NEBL: variants seen among roughly 807,000 people sequenced by gnomAD.
NEBL encodes nebulette.
NEBL carries 122 observed loss-of-function variants against 140.2 expected under a neutral mutation model. The observed-to-expected ratio is 0.87, with a 90% CI of 0.75 to 1.01. The LOEUF is 1.01. Among genes scored for constraint, NEBL ranks in the 50% least tolerant of loss-of-function variants. The pLI, the probability that NEBL is intolerant of heterozygous loss-of-function variation, is 0.00. For synonymous variants in NEBL, 436 were observed against 398.9 expected (o/e 1.09, Z -1.11); for missense variants, 1,365 against 1,231.3 (o/e 1.11, Z -1.62).
rs1367744769 is a variant in NEBL at position 20,952,881 on chromosome 10, G to A, written c.357+8791C>T. On this transcript the variant is annotated intron_variant, in intron 4 of 6. Coordinates refer to the NEBL transcript ENST00000417816. ...GATTGCACCGCTGTACTCCAGCCTG[G>A]GTGACAGAGTGAGACCCTGTCTCAA... Among the ~76,000 whole-genome samples, 4 of 132,094 alleles carry A rather than the reference G, an allele frequency of 3.0e-5. No homozygotes were observed. In the East Asian group the frequency reaches 8.4e-4, roughly 28 times the overall value. 86.7% of individuals were successfully genotyped at this position (132,094 alleles called of 152,430 possible). A position where few individuals can be genotyped will look rare whatever the true frequency, so the allele number is the denominator to read the frequency against.
At chr10:21,050,417 A>C (rs1446669209) in intron 2 of NEBL, among the ~76,000 whole-genome samples, 1 of 152,276 alleles carries the variant, frequency 6.6e-6, no homozygotes, top group Admixed American at 6.5e-5. Context: ...CAGGTGAGAA[A>C]ATTCAAAGAC....
chr10:21,245,594 C>T (rs987942822), intron 3 of NEBL, among the ~76,000 whole-genome samples: 4 of 152,144 alleles, frequency 2.6e-5, no homozygotes, highest in South Asian at 2.1e-4. Context: ...TGCAATGGCA[C>T]GATCTTGGCT....
chr10:21,202,376 G>A (rs1015371941), intron 3 of NEBL, among the ~76,000 whole-genome samples: 10 of 151,056 alleles, frequency 6.6e-5, no homozygotes, highest in Admixed American at 6.6e-4. Context: ...ACTCACCTGC[G>A]TTCTAGAAAT....
intron 5 of NEBL, among the ~76,000 whole-genome samples, chr10:20,873,572 A>G (rs944189343): frequency 2.6e-5 from 4 of 152,076 alleles, no homozygotes; most frequent in Admixed American, 6.6e-5. Context: ...AATAATAATA[A>G]TGATAGTCTC....
chr10:20,840,893 C>T (rs1259989963), intron 12 of NEBL, 44 bp from the exon 13 acceptor site: 2 of 1,124,364 alleles, frequency 1.8e-6, no homozygotes, highest in Non-Finnish European at 2.7e-6. Context: ...GCAGGAATCA[C>T]TTTATTCAGT....
chr10:20,838,293 A>C (rs117173421), intron 13 of NEBL, among the ~76,000 whole-genome samples: 8,780 of 152,226 alleles, frequency 0.058, 367 homozygotes, highest in Middle Eastern at 0.12. Context: ...GTTGATTTCA[A>C]CTCTCATGGA....
chr10:21,202,473 T>C (rs1841754543), intron 3 of NEBL, among the ~76,000 whole-genome samples: 1 of 146,640 alleles, frequency 6.8e-6, no homozygotes, highest in Admixed American at 6.7e-5. Context: ...TTTTTTTTTT[T>C]TTTTTTTTGA....
At chr10:20,790,155 C>T (rs1279188557) in intron 26 of NEBL, among the ~76,000 whole-genome samples, 1 of 152,068 alleles carries the variant, frequency 6.6e-6, no homozygotes, top group Non-Finnish European at 1.5e-5. Context: ...CATAAGCCAT[C>T]TATCTAGCCC....
chr10:20,941,685 C>G (rs1834877122), intron 4 of NEBL, among the ~76,000 whole-genome samples: 1 of 151,554 alleles, frequency 6.6e-6, no homozygotes, highest in African/African-American at 2.4e-5. Context: ...CTAGAAAACC[C>G]CATCGTCTCA....
intron 2 of NEBL, among the ~76,000 whole-genome samples, chr10:21,071,234 T>C (rs921317416): frequency 1.1e-4 from 16 of 149,738 alleles, no homozygotes; most frequent in African/African-American, 3.6e-4. Flanking sequence ...ATATTATTAT[T>C]ATTTTTAAAA....
intron 12 of NEBL, among the ~76,000 whole-genome samples, chr10:20,842,160 A>G (rs1288538819): frequency 6.6e-6 from 1 of 152,060 alleles, no homozygotes; most frequent in African/African-American, 2.4e-5. Flanking sequence ...ATCCATTATA[A>G]TTAAATTAGC....
intron 3 of NEBL, among the ~76,000 whole-genome samples, chr10:20,985,648 CA>C (rs1379847616): frequency 6.6e-6 from 1 of 152,104 alleles, no homozygotes; most frequent in Non-Finnish European, 1.5e-5. Context: ...GTAGTGAAAA[CA>C]CTCTACTGTT....
intron 4 of NEBL, among the ~76,000 whole-genome samples, chr10:20,904,776 C>T (rs1274485624): frequency 6.6e-6 from 1 of 152,188 alleles, no homozygotes; most frequent in African/African-American, 2.4e-5. Flanking sequence ...TTACTTCTCA[C>T]ATCTGGAAAA....
At chr10:20,882,727 A>C (rs1319638083) in intron 4 of NEBL, among the ~76,000 whole-genome samples, 2 of 151,326 alleles carry the variant, frequency 1.3e-5, no homozygotes, top group African/African-American at 4.9e-5. Context: ...AAGTCATTGA[A>C]TCTTGTCATC....
intron 2 of NEBL, among the ~76,000 whole-genome samples, chr10:21,080,167 G>A (rs1243096822): frequency 6.6e-6 from 1 of 152,196 alleles, no homozygotes; most frequent in Non-Finnish European, 1.5e-5. Context: ...AAATATGGCT[G>A]ACCATAAAGT....
intron 2 of NEBL, among the ~76,000 whole-genome samples, chr10:21,069,780 C>G (rs1835731603): frequency 6.6e-6 from 1 of 152,158 alleles, no homozygotes; most frequent in South Asian, 2.1e-4. Flanking sequence ...AGCACAGAGA[C>G]AAACATGTAC....
chr10:20,791,605 A>T (rs192649287), intron 26 of NEBL, among the ~76,000 whole-genome samples: 1 of 151,988 alleles, frequency 6.6e-6, no homozygotes, highest in East Asian at 1.9e-4. Context: ...ACATTGCCCA[A>T]CCTAGTCTCA....
intron 3 of NEBL, among the ~76,000 whole-genome samples, chr10:21,012,026 T>A (rs897939180): frequency 6.6e-6 from 1 of 152,160 alleles, no homozygotes; most frequent in African/African-American, 2.4e-5. Context: ...TGGGAGGAGA[T>A]TGGGAATACA....
intron 2 of NEBL, among the ~76,000 whole-genome samples, chr10:21,128,437 C>T (rs1838941520): frequency 6.6e-6 from 1 of 152,120 alleles, no homozygotes; most frequent in South Asian, 2.1e-4. Context: ...TACTCATGTA[C>T]ACTTTACACA....
Sources: allele counts gnomAD v4.1 joint callset (sites outside exome capture counted in the v4.1 genomes callset), GRCh38; gene constraint gnomAD v4.1.1; transcripts MANE v1.5; gene names NCBI Gene and HGNC (gene_info 2026-07-23, HGNC 2026-07-21).